The following PTK7 variants were observed in gnomAD, a reference collection of about 807,000 sequenced individuals.
PTK7 encodes inactive tyrosine-protein kinase 7.
A neutral mutation model predicts 116.6 loss-of-function variants in PTK7; 39 were observed. The observed-to-expected ratio is 0.33, with a 90% CI of 0.26 to 0.44. PTK7 has a LOEUF of 0.44. Among genes scored for constraint, PTK7 ranks in the 20% least tolerant of loss-of-function variants. The pLI is 1.00. For synonymous variants in PTK7, 546 were observed against 563.6 expected (o/e 0.97, Z 0.44); for missense variants, 1,169 against 1,425.6 (o/e 0.82, Z 2.90).
intron 1 of PTK7, among the ~76,000 whole-genome samples, chr6:43,109,343 C>T (rs1768065892): frequency 1.3e-5 from 2 of 151,818 alleles, no homozygotes; most frequent in African/African-American, 4.8e-5. Context: ...ACCCAGCAGG[C>T]CTTGAATCTT....
intron 1 of PTK7, among the ~76,000 whole-genome samples, chr6:43,098,716 T>C (rs958424724): frequency 6.6e-6 from 1 of 152,152 alleles, no homozygotes; most frequent in Non-Finnish European, 1.5e-5. Context: ...GCAAGAAATA[T>C]GCTTTGCAGA....
Position 43,076,590 on chromosome 6 carries a change from C to A in PTK7, c.79+23C>A. ...GCGGTGAGTACCCGAGAGTTGGGGG[C>A]ACAGAGCTTGGGAAGCGCGGGAGTC... On this transcript the variant is annotated intron_variant, in intron 1 of 19. Coordinates refer to ENST00000230419, the MANE Select transcript of PTK7 (RefSeq NM_002821.5). This position sits in a 1 kb window ranked among gnomAD's most constrained non-coding sequence, Gnocchi z 5.7. 1 of 1,568,680 alleles carries A rather than the reference C, an allele frequency of 6.4e-7. No homozygotes were observed. Among genetic ancestry groups the A allele is most frequent in the Non-Finnish European group, 8.6e-7 (1 of 1,162,980 alleles).
chr6:43,100,276 A>T (rs1582088643), intron 1 of PTK7, among the ~76,000 whole-genome samples: 4 of 152,040 alleles, frequency 2.6e-5, no homozygotes, highest in South Asian at 4.1e-4. Context: ...CCAGCTACTC[A>T]GGAGGCTGAG....
At chr6:43,117,188 C>G (rs1474302127) in intron 1 of PTK7, among the ~76,000 whole-genome samples, 1 of 152,106 alleles carries the variant, frequency 6.6e-6, no homozygotes, top group Non-Finnish European at 1.5e-5. Flanking sequence ...TCATTTGCTT[C>G]TCCCCCAGAA....
Position 43,132,503 on chromosome 6 carries a change from T to C in PTK7, c.1044T>C (p.Gly348=). The C allele has an allele frequency of 6.2e-7, 1 of 1,611,114 alleles. No homozygotes were observed. Among genetic ancestry groups the C allele is most frequent in the African/African-American group, 1.3e-5 (1 of 74,970 alleles). Residue 348 remains glycine, a synonymous_variant, in exon 7 of 20, where the codon GGT becomes GGC. Transcript: ENST00000230419. ...GTGTGACCTGCCTTCCCCCCAAGGG[T>C]CTGCCAGAGCCCAGCGTGTGGTGGG... ...EERVTCLPPK[G]LPEPSVWWEH...
intron 1 of PTK7, among the ~76,000 whole-genome samples, chr6:43,122,361 C>T (rs898963065): frequency 2.6e-5 from 4 of 152,124 alleles, no homozygotes; most frequent in African/African-American, 4.8e-5. Context: ...GAAGTTTGTC[C>T]TCTGTGGGTC....
intron 18 of PTK7, 80 bp from the exon 19 acceptor site, chr6:43,159,708 G>A (rs765213091): frequency 2.4e-5 from 36 of 1,471,072 alleles, no homozygotes; most frequent in African/African-American, 1.8e-4. Flanking sequence ...TTGGGGATGC[G>A]TTCCAGATGG....
intron 17 of PTK7, among the ~76,000 whole-genome samples, chr6:43,152,995 AG>A (rs1468122027): frequency 1.3e-5 from 2 of 151,986 alleles, no homozygotes; most frequent in African/African-American, 4.8e-5. Flanking sequence ...CACATTGGCC[AG>A]GCTGGTCTCG....
chr6:43,095,992 C>T (rs1290786080), intron 1 of PTK7, among the ~76,000 whole-genome samples: 1 of 152,156 alleles, frequency 6.6e-6, no homozygotes, highest in Non-Finnish European at 1.5e-5. Context: ...CTCAGTAGTC[C>T]TGAGTTCAGC....
intron 1 of PTK7, among the ~76,000 whole-genome samples, chr6:43,112,984 GCA>G (rs1195369240): frequency 5.9e-5 from 9 of 152,084 alleles, no homozygotes; most frequent in Non-Finnish European, 1.0e-4. Flanking sequence ...ACGTGCCACT[GCA>G]CACAGCTAAT....
chr6:43,086,778 G>A lies in PTK7; in HGVS notation c.79+10211G>A, dbSNP rs116679005. Among the ~76,000 whole-genome samples the A allele has an allele frequency of 2.5e-3, 380 of 152,320 alleles. 2 individuals are homozygous for A. The highest frequency in any genetic ancestry group is 4.4e-3 in the Non-Finnish European group (300 of 68,038). On this transcript the variant is annotated intron_variant, in intron 1 of 19. Transcript: ENST00000230419. Reference sequence around the variant, plus strand: ...TTGAGCCTGGGAGGTCAGAGCTGAAGTGGGTGAGCTGTGATGTGATTGCAC... The same window carrying A: ...TTGAGCCTGGGAGGTCAGAGCTGAAATGGGTGAGCTGTGATGTGATTGCAC...
chr6:43,091,076 C>T lies in PTK7; in HGVS notation c.79+14509C>T, dbSNP rs188817454. 2.7e-3 allele frequency among the ~76,000 whole-genome samples: 417 copies of T among 152,154 alleles called. 1 individual carries two copies. The highest frequency in any genetic ancestry group is 4.7e-3 in the Non-Finnish European group (322 of 67,990). ...TCCCAGGGAAATTCAGAAATCTGTT[C>T]AGGAACTGACTTCTGGCTCCACAGC... is the stretch of plus-strand genomic sequence containing the variant. On this transcript the variant is annotated intron_variant, in intron 1 of 19. Coordinates refer to ENST00000230419, the MANE Select transcript of PTK7 (RefSeq NM_002821.5).
chr6:43,160,050 C>T (rs1400138019), intron 19 of PTK7, 84 bp downstream of exon 19: 15 of 1,427,924 alleles, frequency 1.1e-5, no homozygotes, highest in African/African-American at 4.3e-5. Flanking sequence ...TTCAGCCTAC[C>T]TCCCTCTCAG....
chr6:43,088,817 A>G (rs1766798719), intron 1 of PTK7, among the ~76,000 whole-genome samples: 1 of 152,228 alleles, frequency 6.6e-6, no homozygotes, highest in Admixed American at 6.5e-5. Context: ...TCATGAACCC[A>G]TGAGTCCTTA....
At chr6:43,152,620 C>G (rs936830405) in intron 17 of PTK7, among the ~76,000 whole-genome samples, 1 of 152,152 alleles carries the variant, frequency 6.6e-6, no homozygotes, top group Non-Finnish European at 1.5e-5. Context: ...CTGATCAGGA[C>G]GATGATGGGA....
chr6:43,141,730 A>T lies in PTK7; in HGVS notation c.1681A>T (p.Thr561Ser). Residue 561 changes from threonine to serine, a missense_variant, in exon 11 of 20, where the codon ACT becomes TCT. By Grantham distance (58) the Thr-to-Ser change is moderately conservative. Transcript: ENST00000230419. The surrounding 1 kb of genome is among the most constrained non-coding windows in gnomAD (Gnocchi z 4.9). ...NAGTLHFARV[T>S]RDDAGNYTCI... ...TGGGACCCTGCATTTTGCCCGGGTG[A>T]CTCGAGATGACGCTGGCAACTACAC... 1 of 1,613,992 alleles carries T rather than the reference A, an allele frequency of 6.2e-7. No individual in the cohort carries two copies. Among genetic ancestry groups the T allele is most frequent in the Non-Finnish European group, 8.5e-7 (1 of 1,179,980 alleles).
intron 17 of PTK7, among the ~76,000 whole-genome samples, chr6:43,147,077 G>A (rs1490179120): frequency 6.6e-6 from 1 of 152,242 alleles, no homozygotes; most frequent in African/African-American, 2.4e-5. Context: ...TCCTAGTGCA[G>A]GGGCCTGCTG....
intron 14 of PTK7, among the ~76,000 whole-genome samples, chr6:43,144,031 A>T (rs933097714): frequency 6.6e-6 from 1 of 152,184 alleles, no homozygotes; most frequent in Non-Finnish European, 1.5e-5. Context: ...CCTTGAGGTC[A>T]TTGCTGGGTC....
chr6:43,152,123 C>G (rs1221913076), intron 17 of PTK7, among the ~76,000 whole-genome samples: 1 of 151,078 alleles, frequency 6.6e-6, no homozygotes, highest in African/African-American at 2.4e-5. Context: ...AGCCACCGCT[C>G]AAAGACGTGA....
Sources: gnomAD v4.1 joint callset for allele counts (sites outside exome capture counted in the v4.1 genomes callset) on GRCh38, gnomAD v4.1.1 for gene constraint, Gnocchi (gnomAD v3.1) non-coding constraint, MANE v1.5 for transcripts, NCBI Gene and HGNC (gene_info 2026-07-23, HGNC 2026-07-21) for gene names.